Variants in MDGA2 observed in about 807,000 individuals in gnomAD.
MDGA2 encodes MAM domain containing glycosylphosphatidylinositol anchor 2.
MDGA2 carries 40 observed loss-of-function variants against 117.8 expected under a neutral mutation model. That is an observed-to-expected ratio of 0.34 (90% CI 0.26 to 0.44). MDGA2 has a LOEUF of 0.44. MDGA2 is among the 20% of genes least tolerant of loss of function. MDGA2 has a pLI of 1.00. For missense variants in MDGA2, 1,123 were observed against 1,250.6 expected (o/e 0.90, Z 1.54); for synonymous variants, 452 against 439.0 (o/e 1.03, Z -0.37).
chr14:47,389,446 T>C (rs936652039), intron 1 of MDGA2, among the ~76,000 whole-genome samples: 2 of 152,212 alleles, frequency 1.3e-5, no homozygotes, highest in Non-Finnish European at 2.9e-5. Context: ...TTAAATGGCA[T>C]ACATGTAGAA....
intron 1 of MDGA2, among the ~76,000 whole-genome samples, chr14:47,340,327 A>C (rs1890584412): frequency 6.6e-6 from 1 of 152,170 alleles, no homozygotes; most frequent in Admixed American, 6.6e-5. Flanking sequence ...ATAATGAAAA[A>C]TAGGAGTGCC....
chr14:47,489,559 G>T (rs1170582585), intron 1 of MDGA2, among the ~76,000 whole-genome samples: 1 of 151,970 alleles, frequency 6.6e-6, no homozygotes, highest in Non-Finnish European at 1.5e-5. Flanking sequence ...CAAAAGAAAA[G>T]AAGCAAATGG....
At chr14:46,900,636 C>T (rs1278596935) in intron 10 of MDGA2, among the ~76,000 whole-genome samples, 1 of 152,070 alleles carries the variant, frequency 6.6e-6, no homozygotes, top group African/African-American at 2.4e-5. Context: ...AATTCCATTT[C>T]TGTAACAACT....
At position 47,239,222 on chromosome 14, in the gene MDGA2, T is replaced by TAA. The variant is rs11455841; in HGVS notation, c.421-21029_421-21028dup. On this transcript the variant is annotated intron_variant, in intron 2 of 16. Coordinates refer to ENST00000399232, the MANE Select transcript of MDGA2 (RefSeq NM_001113498.3). ...AACCTTTACGAAAGTCAAAATTTAT[T>TAA]AAAAAAAAAAAAGGGCTCTGATAAG... is the stretch of plus-strand genomic sequence containing the variant. 4.0e-4 allele frequency among the ~76,000 whole-genome samples: 58 copies of TAA among 144,442 alleles called. 2 individuals carry two copies. Among genetic ancestry groups the TAA allele is most frequent in the Middle Eastern group, 3.5e-3 (1 of 282 alleles). The allele number at this position is 144,442 out of a possible 152,430, so 94.8% of individuals were successfully genotyped here. A position where few individuals can be genotyped will look rare whatever the true frequency, so the allele number is the denominator to read the frequency against.
At chr14:47,371,807 T>C (rs968556720) in intron 1 of MDGA2, among the ~76,000 whole-genome samples, 2 of 151,834 alleles carry the variant, frequency 1.3e-5, no homozygotes, top group Admixed American at 6.6e-5. Flanking sequence ...ATTTATGTTA[T>C]AACATCATAC....
At chr14:47,642,681 C>A (rs1294083311) in intron 1 of MDGA2, among the ~76,000 whole-genome samples, 1 of 151,912 alleles carries the variant, frequency 6.6e-6, no homozygotes, top group African/African-American at 2.4e-5. Flanking sequence ...ATCATCTATC[C>A]ATCTCTAGAT....
chr14:47,432,240 G>A (rs1892814027), intron 1 of MDGA2, among the ~76,000 whole-genome samples: 2 of 151,980 alleles, frequency 1.3e-5, no homozygotes. Flanking sequence ...CAAGATAAAA[G>A]TCTATTTAAT....
intron 3 of MDGA2, among the ~76,000 whole-genome samples, chr14:47,199,670 T>C (rs1885418728): frequency 6.6e-6 from 1 of 152,136 alleles, no homozygotes; most frequent in South Asian, 2.1e-4. Flanking sequence ...TTATGTGGAA[T>C]AAATATTAAT....
intron 14 of MDGA2, among the ~76,000 whole-genome samples, chr14:46,870,374 T>C (rs1462331497): frequency 2.0e-5 from 3 of 152,004 alleles, no homozygotes; most frequent in Non-Finnish European, 2.9e-5. Flanking sequence ...TCCAAAAGAA[T>C]GACTAAAACT....
chr14:47,583,867 C>T (rs1896273214), intron 1 of MDGA2, among the ~76,000 whole-genome samples: 1 of 151,740 alleles, frequency 6.6e-6, no homozygotes, highest in African/African-American at 2.4e-5. Context: ...TTTTTAATTA[C>T]TTTAAATCCA....
chr14:46,923,717 C>A (rs1884220676), intron 9 of MDGA2, among the ~76,000 whole-genome samples: 1 of 151,932 alleles, frequency 6.6e-6, no homozygotes, highest in Admixed American at 6.6e-5. Flanking sequence ...TGGAAAAGGG[C>A]ATCTTAAATT....
intron 1 of MDGA2, among the ~76,000 whole-genome samples, chr14:47,624,638 C>T (rs1052683190): frequency 1.3e-5 from 2 of 152,038 alleles, no homozygotes; most frequent in Non-Finnish European, 2.9e-5. Flanking sequence ...AAGCTCCAGG[C>T]TGTAAGATAG....
chr14:47,255,393 C>T (rs761693888), intron 2 of MDGA2, among the ~76,000 whole-genome samples: 16 of 152,100 alleles, frequency 1.1e-4, no homozygotes, highest in Non-Finnish European at 1.8e-4. Context: ...TGGGATCCAA[C>T]AGGTGCTTTT....
intron 9 of MDGA2, among the ~76,000 whole-genome samples, chr14:46,954,004 C>A (rs1349962801): frequency 6.6e-6 from 1 of 151,978 alleles, no homozygotes; most frequent in East Asian, 1.9e-4. Flanking sequence ...AACATCTTTT[C>A]TCTGCTATAT....
intron 1 of MDGA2, among the ~76,000 whole-genome samples, chr14:47,493,773 C>T (rs983829692): frequency 1.3e-5 from 2 of 151,978 alleles, no homozygotes; most frequent in Admixed American, 6.6e-5. Flanking sequence ...TTTGTCATTA[C>T]CAATGCATAT....
intron 1 of MDGA2, among the ~76,000 whole-genome samples, chr14:47,508,352 A>ACTCACTCTCTCTCTCT (rs1894561015): frequency 7.5e-6 from 1 of 132,762 alleles, no homozygotes; most frequent in African/African-American, 2.9e-5. Flanking sequence ...TTGCTGATTG[A>ACTCACTCTCTCTCTCT]CTCTCTCTCT....
chr14:47,674,277 C>G (rs371986992), intron 1 of MDGA2, among the ~76,000 whole-genome samples: 1 of 152,208 alleles, frequency 6.6e-6, no homozygotes, highest in African/African-American at 2.4e-5. Flanking sequence ...CTCGTTCGCA[C>G]GAGTGCGTTG....
rs559512175 is a variant in MDGA2, at chr14:47,422,979, C to T, written c.281-121429G>A. ...ACAGATTTTACCTGTTAATCTTAAA[C>T]GATTATTAATTTCCTTTTTCCTACC... On this transcript the variant is annotated intron_variant, in intron 1 of 16. Coordinates refer to ENST00000399232, the MANE Select transcript of MDGA2 (RefSeq NM_001113498.3). 6.3e-4 allele frequency among the ~76,000 whole-genome samples: 96 copies of T among 152,200 alleles called. 1 individual carries two copies. The highest frequency in any genetic ancestry group is 1.9e-3 in the African/African-American group (78 of 41,548).
intron 1 of MDGA2, among the ~76,000 whole-genome samples, chr14:47,597,961 G>C (rs935005303): frequency 2.6e-5 from 4 of 151,774 alleles, no homozygotes; most frequent in Non-Finnish European, 5.9e-5. Flanking sequence ...GACATTGAGC[G>C]TGCGTATAAA....
Sources: gnomAD v4.1 joint callset for allele counts (sites outside exome capture counted in the v4.1 genomes callset) on GRCh38, gnomAD v4.1.1 for gene constraint, MANE v1.5 for transcripts, NCBI Gene and HGNC (gene_info 2026-07-23, HGNC 2026-07-21) for gene names.